FHIT: variants seen among roughly 807,000 people sequenced by gnomAD.
The protein encoded by FHIT is fragile histidine triad diadenosine triphosphatase, also known as bis(5'-adenosyl)-triphosphatase.
In FHIT, 19 loss-of-function variants were observed where a neutral mutation model predicts 17.9. The observed-to-expected ratio is 1.06, with a 90% CI of 0.74 to 1.56. The LOEUF (loss-of-function observed/expected upper bound fraction) is 1.56, where lower values mean the gene tolerates loss of function less well. FHIT is among the 40% of genes most tolerant of loss of function. The pLI is 0.00. For synonymous variants in FHIT, 81 were observed against 69.7 expected, an observed-to-expected ratio of 1.16 and a Z score of -0.81; for missense variants, 248 against 189.2, an observed-to-expected ratio of 1.31 and a Z score of -1.82.
intron 4 of FHIT, among the ~76,000 whole-genome samples, chr3:60,771,249 A>T (rs1226935679): frequency 6.6e-6 from 1 of 152,250 alleles, no homozygotes; most frequent in African/African-American, 2.4e-5. Flanking sequence ...TTGGAAGCAC[A>T]TCCCTGGACA....
intron 8 of FHIT, among the ~76,000 whole-genome samples, chr3:59,850,216 C>A (rs895259331): frequency 6.6e-6 from 1 of 152,166 alleles, no homozygotes; most frequent in African/African-American, 2.4e-5. Flanking sequence ...AAAATCTAAG[C>A]AGGAAGAAAC....
At chr3:60,815,919 T>C (rs1701725263) in intron 4 of FHIT, among the ~76,000 whole-genome samples, 1 of 152,108 alleles carries the variant, frequency 6.6e-6, no homozygotes. Context: ...TAGCAGTGTT[T>C]TGTGGTTCCC....
At chr3:61,157,179 G>C (rs2037556384) in intron 2 of FHIT, among the ~76,000 whole-genome samples, 1 of 151,898 alleles carries the variant, frequency 6.6e-6, no homozygotes, top group Admixed American at 6.6e-5. Context: ...ATGTTGTAAG[G>C]GATACATCTA....
intron 4 of FHIT, among the ~76,000 whole-genome samples, chr3:60,552,739 C>T (rs1191809084): frequency 6.6e-6 from 1 of 152,206 alleles, no homozygotes; most frequent in East Asian, 1.9e-4. Context: ...GTGCCCCCAG[C>T]ACTCTCAATG....
chr3:60,730,979 AAAT>A (rs1190417423), intron 4 of FHIT, among the ~76,000 whole-genome samples: 2 of 103,086 alleles, frequency 1.9e-5, no homozygotes, highest in African/African-American at 3.3e-5. Flanking sequence ...AAAAAAAAAA[AAAT>A]TAGCCCAGCG....
chr3:60,098,890 C>T (rs1240351721), intron 5 of FHIT, among the ~76,000 whole-genome samples: 1 of 152,158 alleles, frequency 6.6e-6, no homozygotes, highest in Non-Finnish European at 1.5e-5. Flanking sequence ...GCCTGGGAGT[C>T]AGCACCCCTA....
intron 5 of FHIT, among the ~76,000 whole-genome samples, chr3:60,356,739 C>G: frequency 2.3e-5 from 1 of 44,316 alleles, no homozygotes; most frequent in Admixed American, 3.6e-4. Flanking sequence ...TATTATATAG[C>G]AGGAAGACAG....
rs2042308825 is a variant in FHIT, at chr3:60,744,271, A to AAAAAAC, written c.-18+77647_-18+77648insGTTTTT. On this transcript the variant is annotated intron_variant, in intron 4 of 9. Transcript: ENST00000492590. ...TAAAAAAAAAAACAAAACAAAACAA[A>AAAAAAC]AAAAAAAAAAAACAGAAAGAAAAGA... 3.1e-3 allele frequency among the ~76,000 whole-genome samples: 159 copies of AAAAAAC among 52,068 alleles called. 1 individual carries two copies. Among genetic ancestry groups the AAAAAAC allele is most frequent in the Middle Eastern group, 0.01 (1 of 96 alleles). 34.2% of individuals were successfully genotyped at this position (52,068 alleles called of 152,430 possible). A position where few individuals can be genotyped will look rare whatever the true frequency, so the allele number is the denominator to read the frequency against.
intron 7 of FHIT, among the ~76,000 whole-genome samples, chr3:59,955,357 C>T (rs1707340275): frequency 6.6e-6 from 1 of 152,192 alleles, no homozygotes; most frequent in South Asian, 2.1e-4. Context: ...CCTCGGTCTC[C>T]ATTGCCAAGT....
At chr3:60,456,932 G>A (rs747464993) in intron 5 of FHIT, among the ~76,000 whole-genome samples, 1 of 152,098 alleles carries the variant, frequency 6.6e-6, no homozygotes, top group Non-Finnish European at 1.5e-5. Flanking sequence ...AATAAAAGAG[G>A]ATACAAACAA....
chr3:60,472,066 G>C (rs1344198736), intron 5 of FHIT, among the ~76,000 whole-genome samples: 1 of 151,768 alleles, frequency 6.6e-6, no homozygotes, highest in African/African-American at 2.4e-5. Context: ...CACTATTCAA[G>C]TGATGGGTAC....
At chr3:60,456,628 A>G (rs1268345156) in intron 5 of FHIT, among the ~76,000 whole-genome samples, 2 of 152,206 alleles carry the variant, frequency 1.3e-5, no homozygotes, top group Non-Finnish European at 2.9e-5. Context: ...TCCTCTGATT[A>G]GACTAGATCA....
At chr3:60,346,846 T>C (rs1032674299) in intron 5 of FHIT, among the ~76,000 whole-genome samples, 1 of 152,194 alleles carries the variant, frequency 6.6e-6, no homozygotes, top group Non-Finnish European at 1.5e-5. Context: ...TAGGTTTCTG[T>C]AGCAATCCAT....
intron 4 of FHIT, among the ~76,000 whole-genome samples, chr3:60,583,163 T>C (rs2037801591): frequency 6.6e-6 from 1 of 151,920 alleles, no homozygotes; most frequent in South Asian, 2.1e-4. Flanking sequence ...GAATGAGAAA[T>C]TCCTTATTCT....
intron 4 of FHIT, among the ~76,000 whole-genome samples, chr3:60,680,784 A>G (rs913278792): frequency 3.9e-5 from 6 of 152,186 alleles, no homozygotes; most frequent in African/African-American, 1.4e-4. Context: ...CCATCATACC[A>G]TCAGTGTGAG....
At chr3:60,516,573 T>C (rs2035167350) in intron 5 of FHIT, among the ~76,000 whole-genome samples, 1 of 152,184 alleles carries the variant, frequency 6.6e-6, no homozygotes, top group Non-Finnish European at 1.5e-5. Context: ...TAATAGCTGT[T>C]TGGTCTAGAT....
intron 4 of FHIT, among the ~76,000 whole-genome samples, chr3:60,637,909 G>A (rs1553684344): frequency 6.6e-6 from 1 of 152,108 alleles, no homozygotes; most frequent in Non-Finnish European, 1.5e-5. Context: ...AAATAGACAT[G>A]ATGAATTGGC....
At chr3:60,324,324 G>A (rs995745111) in intron 5 of FHIT, among the ~76,000 whole-genome samples, 28 of 72,122 alleles carry the variant, frequency 3.9e-4, no homozygotes, top group African/African-American at 1.5e-3. Flanking sequence ...GATGGCTCAC[G>A]CCTGTAATCC....
intron 5 of FHIT, among the ~76,000 whole-genome samples, chr3:60,480,002 A>G (rs1190740360): frequency 6.6e-6 from 1 of 152,192 alleles, no homozygotes; most frequent in Admixed American, 6.5e-5. Flanking sequence ...CATTTTCACA[A>G]TGCAATAAAG....
Sources: allele counts gnomAD v4.1 joint callset (sites outside exome capture counted in the v4.1 genomes callset), GRCh38; gene constraint gnomAD v4.1.1; transcripts MANE v1.5; gene names NCBI Gene and HGNC (gene_info 2026-07-23, HGNC 2026-07-21).